STAT4: variants seen among roughly 807,000 people sequenced by gnomAD.
STAT4 encodes the protein signal transducer and activator of transcription 4.
Under a neutral mutation model 110.5 loss-of-function variants are expected in STAT4, and 42 were observed. The observed-to-expected ratio is 0.38, with a 90% CI of 0.30 to 0.49. The LOEUF is 0.49. Ranked by LOEUF, STAT4 falls within the 20% of genes least tolerant of loss-of-function variation. The pLI is 0.95. For synonymous variants in STAT4, 284 were observed against 302.2 expected (o/e 0.94, Z 0.63); for missense variants, 632 against 887.9 (o/e 0.71, Z 3.66).
chr2:191,130,220 CTTTTTT>C (rs34523590), intron 3 of STAT4, among the ~76,000 whole-genome samples: 1 of 115,828 alleles, frequency 8.6e-6, no homozygotes, highest in Non-Finnish European at 1.8e-5. Flanking sequence ...GTCTATCTCC[CTTTTTT>C]TTTTTTTTTT....
chr2:191,146,809 T>C lies in STAT4; in HGVS notation c.129-52A>G. 1 of 1,418,882 alleles carries C rather than the reference T, an allele frequency of 7.0e-7. No homozygotes were observed. The highest frequency in any genetic ancestry group is 9.3e-7 in the Non-Finnish European group (1 of 1,077,726). The allele number at this position is 1,418,882 out of a possible 1,614,324, so 87.9% of individuals were successfully genotyped here. A position where few individuals can be genotyped will look rare whatever the true frequency, so the allele number is the denominator to read the frequency against. On this transcript the variant is annotated intron_variant, in intron 2 of 23. Coordinates refer to ENST00000392320, the MANE Select transcript of STAT4 (RefSeq NM_003151.4). This position sits in a 1 kb window ranked among gnomAD's most constrained non-coding sequence, Gnocchi z 4.5. ...ACAGAAAACAACTTTGTAAAATGTC[T>C]ACTTTTTTACCATACTAACTTTAAA...
chr2:191,124,233 G>A (rs1698816072), intron 3 of STAT4, among the ~76,000 whole-genome samples: 1 of 152,120 alleles, frequency 6.6e-6, no homozygotes, highest in African/African-American at 2.4e-5. Context: ...GAGGCTGGCG[G>A]ATTGCGAGGT....
Position 191,032,824 on chromosome 2 carries a change from G to T in STAT4, c.2044+134C>A. On this transcript the variant is annotated intron_variant, in intron 21 of 23. Transcript: ENST00000392320. The surrounding 1 kb of genome is among the most constrained non-coding windows in gnomAD (Gnocchi z 4.9). ...CATACCACTTCATTTCTAAGGCTTT[G>T]ACCTCCACATGCCCTTAGATCTTAC... 1 of 908,250 alleles carries T rather than the reference G, an allele frequency of 1.1e-6. No homozygotes were observed. The highest frequency in any genetic ancestry group is 1.6e-6 in the Non-Finnish European group (1 of 613,250). 56.3% of individuals were successfully genotyped at this position (908,250 alleles called of 1,614,324 possible).
intron 5 of STAT4, among the ~76,000 whole-genome samples, chr2:191,070,957 G>A (rs1053135107): frequency 2.0e-5 from 3 of 152,032 alleles, no homozygotes; most frequent in African/African-American, 7.2e-5. Flanking sequence ...CCAAATATAT[G>A]CTTCATAAGT....
At chr2:191,111,486 T>C (rs1372025882) in intron 3 of STAT4, among the ~76,000 whole-genome samples, 1 of 152,080 alleles carries the variant, frequency 6.6e-6, no homozygotes, top group African/African-American at 2.4e-5. Flanking sequence ...CAAACAGAAA[T>C]GAACACTTGA....
Position 191,033,681 on chromosome 2 carries a change from GC to G in STAT4, c.1716-56del, listed in dbSNP as rs1695963257. 2 of 1,587,522 alleles carry G rather than the reference GC, an allele frequency of 1.3e-6. No individual in the cohort carries two copies. The highest frequency in any genetic ancestry group is 1.7e-6 in the Non-Finnish European group (2 of 1,168,566). On this transcript the variant is annotated intron_variant, in intron 19 of 23. Transcript: ENST00000392320. This position sits in a 1 kb window ranked among gnomAD's most constrained non-coding sequence, Gnocchi z 6.9. ...GATCATTATTGGATTTTCACTTATT[GC>G]ATTTACAAAGACCTACAGTTTGTTT...
In STAT4 at chr2:191,058,125, C is replaced by A; in HGVS notation, c.1113-14G>T. On this transcript the variant is annotated splice_polypyrimidine_tract_variant and intron_variant, in intron 12 of 23. Coordinates refer to ENST00000392320, the MANE Select transcript of STAT4 (RefSeq NM_003151.4). The surrounding 1 kb of genome is among the most constrained non-coding windows in gnomAD (Gnocchi z 4.3). Reference sequence around the variant, plus strand: ...AATCTTCGGTTGCTGGAGAGGAAATCTTAGCTATTTACATGGTCTCAGGTA... The same window carrying A: ...AATCTTCGGTTGCTGGAGAGGAAATATTAGCTATTTACATGGTCTCAGGTA... 1 of 1,613,690 alleles carries A rather than the reference C, an allele frequency of 6.2e-7. No individual in the cohort carries two copies. The highest frequency in any genetic ancestry group is 8.5e-7 in the Non-Finnish European group (1 of 1,179,680).
At chr2:191,034,661 AT>A in intron 17 of STAT4, 64 bp from the exon 18 acceptor site, 2 of 1,233,294 alleles carry the variant, frequency 1.6e-6, no homozygotes, top group Non-Finnish European at 2.4e-6. Context: ...TTTGTGCTCA[AT>A]TTAGATATTT....
chr2:191,075,837 CTTTTTTT>C (rs71407854), intron 4 of STAT4, among the ~76,000 whole-genome samples: 29 of 121,478 alleles, frequency 2.4e-4, no homozygotes, highest in Middle Eastern at 4.5e-3. Context: ...TTCTTTCTTT[CTTTTTTT>C]TTTTTTTTTT....
At chr2:191,126,806 C>A (rs1251827451) in intron 3 of STAT4, among the ~76,000 whole-genome samples, 5 of 152,122 alleles carry the variant, frequency 3.3e-5, no homozygotes, top group Non-Finnish European at 7.4e-5. Flanking sequence ...TTTCCCCTCA[C>A]CTTGGTATAT....
In STAT4 at chr2:191,144,605, T is replaced by G. The variant is rs1213072696; in HGVS notation, c.273+2008A>C. 1.3e-5 allele frequency among the ~76,000 whole-genome samples: 2 copies of G among 150,336 alleles called. No individual in the cohort carries two copies. Among genetic ancestry groups the G allele is most frequent in the African/African-American group, 4.8e-5 (2 of 41,332 alleles). The stretch of plus-strand genomic sequence containing the variant: ...AAGCGTGACTGGGGGTAACTGCAGG[T>G]TTTTGAGCAGTGGCGTAGTGAAATA... On this transcript the variant is annotated intron_variant, in intron 3 of 23. Coordinates refer to ENST00000392320, the MANE Select transcript of STAT4 (RefSeq NM_003151.4). The surrounding 1 kb of genome is among the most constrained non-coding windows in gnomAD (Gnocchi z 4.7).
At chr2:191,136,023 C>CAA (rs1491100052) in intron 3 of STAT4, among the ~76,000 whole-genome samples, 1 of 29,130 alleles carries the variant, frequency 3.4e-5, no homozygotes, top group African/African-American at 1.4e-4. Context: ...AAAAAAAAAA[C>CAA]CAAAAAACAA....
intron 3 of STAT4, among the ~76,000 whole-genome samples, chr2:191,119,170 T>C (rs1442355630): frequency 2.0e-5 from 3 of 152,188 alleles, no homozygotes; most frequent in African/African-American, 4.8e-5. Flanking sequence ...TTCACCTGTG[T>C]ATACTGGTGA....
rs998783706 is a variant in STAT4 at position 191,142,261 on chromosome 2, T to C, written c.273+4352A>G. Among the ~76,000 whole-genome samples the C allele has an allele frequency of 2.6e-5, 4 of 151,738 alleles. No individual in the cohort carries two copies. The highest frequency in any genetic ancestry group is 5.9e-5 in the Non-Finnish European group (4 of 67,908). On this transcript the variant is annotated intron_variant, in intron 3 of 23. Transcript: ENST00000392320. This position sits in a 1 kb window ranked among gnomAD's most constrained non-coding sequence, Gnocchi z 4.1. ...CACACACATGCATACACACATATAA[T>C]AGAATACTATTTGGCCATAAAAAGA... is the stretch of plus-strand genomic sequence containing the variant.
In STAT4 at chr2:191,031,745, T is replaced by C. The variant is rs1402786262; in HGVS notation, c.2045-229A>G. On this transcript the variant is annotated intron_variant, in intron 21 of 23. Coordinates refer to ENST00000392320, the MANE Select transcript of STAT4 (RefSeq NM_003151.4). The surrounding 1 kb of genome is among the most constrained non-coding windows in gnomAD (Gnocchi z 4.8). Reference sequence around the variant, plus strand: ...TCTCTTGGCAGGCCTAATCTGACTTTACATATTAATGCCTCTAAACTGTGT... The same window carrying C: ...TCTCTTGGCAGGCCTAATCTGACTTCACATATTAATGCCTCTAAACTGTGT... 6.6e-6 allele frequency among the ~76,000 whole-genome samples: 1 copy of C among 152,250 alleles called. No homozygotes were observed. Among genetic ancestry groups the C allele is most frequent in the Non-Finnish European group, 1.5e-5 (1 of 68,048 alleles).
In STAT4 at chr2:191,081,659, C is replaced by G. The variant is rs145307923; in HGVS notation, c.274-5334G>C. Among the ~76,000 whole-genome samples the G allele has an allele frequency of 4.5e-3, 682 of 152,268 alleles. 4 individuals carry two copies. Among genetic ancestry groups the G allele is most frequent in the African/African-American group, 0.016 (649 of 41,554 alleles). On this transcript the variant is annotated intron_variant, in intron 3 of 23. Coordinates refer to ENST00000392320, the MANE Select transcript of STAT4 (RefSeq NM_003151.4). Reference sequence around the variant, plus strand: ...GTCTTCTTTTGGGGAAGTGTCTGTTCATATCCTTTGCCCACATAAAGTTCT... The same window carrying G: ...GTCTTCTTTTGGGGAAGTGTCTGTTGATATCCTTTGCCCACATAAAGTTCT...
rs1311841150 is a variant in STAT4 at position 191,082,891 on chromosome 2, A to T, written c.274-6566T>A. ...GAGTTCTTTTCCCAGTGGCCCTCTTAAAAATGTAAACACATTTGGAGGGTT... is the reference window on the plus strand; with the variant it reads ...GAGTTCTTTTCCCAGTGGCCCTCTTTAAAATGTAAACACATTTGGAGGGTT... On this transcript the variant is annotated intron_variant, in intron 3 of 23. Coordinates refer to ENST00000392320, the MANE Select transcript of STAT4 (RefSeq NM_003151.4). The surrounding 1 kb of genome is among the most constrained non-coding windows in gnomAD (Gnocchi z 4.7). Among the ~76,000 whole-genome samples, 2 of 152,200 alleles carry T rather than the reference A, an allele frequency of 1.3e-5. No individual in the cohort carries two copies. The highest frequency in any genetic ancestry group is 2.4e-5 in the African/African-American group (1 of 41,450).
In STAT4 at chr2:191,110,316, C is replaced by G. The variant is rs1021931719; in HGVS notation, c.274-33991G>C. 6.6e-6 allele frequency among the ~76,000 whole-genome samples: 1 copy of G among 152,106 alleles called. No homozygotes were observed. The highest frequency in any genetic ancestry group is 2.4e-5 in the African/African-American group (1 of 41,404). ...GTGTTGGGAGGCATATGAAAGTTCC[C>G]AGGGAGGCTAAAGTCTTCAAAATAA... On this transcript the variant is annotated intron_variant, in intron 3 of 23. Coordinates refer to ENST00000392320, the MANE Select transcript of STAT4 (RefSeq NM_003151.4). The surrounding 1 kb of genome is among the most constrained non-coding windows in gnomAD (Gnocchi z 4.5).
intron 16 of STAT4, 115 bp from the exon 17 acceptor site, chr2:191,036,414 G>A: frequency 8.9e-7 from 1 of 1,117,732 alleles, no homozygotes; most frequent in Non-Finnish European, 1.3e-6. Flanking sequence ...AGGAGTGTTG[G>A]GTGACTATTA....
Sources: allele counts gnomAD v4.1 joint callset (sites outside exome capture counted in the v4.1 genomes callset), GRCh38; gene constraint gnomAD v4.1.1; non-coding constraint Gnocchi (gnomAD v3.1); transcripts MANE v1.5; gene names NCBI Gene and HGNC (gene_info 2026-07-23, HGNC 2026-07-21).